Variants in CCDC178 observed in about 807,000 individuals in gnomAD.
CCDC178 encodes the protein coiled-coil domain containing 178.
In CCDC178, 126 loss-of-function variants were observed where a neutral mutation model predicts 117.4. The ratio of observed to expected loss-of-function variants is 1.07; its 90% CI spans 0.93 to 1.24. The LOEUF (loss-of-function observed/expected upper bound fraction) is 1.24. Among genes scored for constraint, CCDC178 ranks in the 50% most tolerant of loss-of-function variants. CCDC178 has a pLI of 0.00. For synonymous variants in CCDC178, 283 were observed against 313.4 expected, an observed-to-expected ratio of 0.90 and a Z score of 1.02; for missense variants, 1,030 against 986.9, an observed-to-expected ratio of 1.04 and a Z score of -0.59.
intron 20 of CCDC178, among the ~76,000 whole-genome samples, chr18:33,210,143 G>C (rs1042642663): frequency 6.6e-6 from 1 of 151,906 alleles, no homozygotes; most frequent in Non-Finnish European, 1.5e-5. Context: ...TATTTATTGC[G>C]TACTTCTGGC....
At chr18:33,258,670 G>C (rs574456545) in intron 14 of CCDC178, among the ~76,000 whole-genome samples, 2 of 152,224 alleles carry the variant, frequency 1.3e-5, no homozygotes, top group South Asian at 4.1e-4. Flanking sequence ...ACACAAAGCA[G>C]GTGCTCAGGA....
chr18:32,942,654 A>G (rs990347610), intron 22 of CCDC178, among the ~76,000 whole-genome samples: 20 of 152,156 alleles, frequency 1.3e-4, no homozygotes, highest in Admixed American at 6.5e-5. Context: ...TTGATCTTGC[A>G]GCTTATAAAA....
chr18:33,285,613 GAAC>G (rs1380243245), intron 12 of CCDC178, among the ~76,000 whole-genome samples: 1 of 151,976 alleles, frequency 6.6e-6, no homozygotes, highest in Non-Finnish European at 1.5e-5. Context: ...TAAATTAAAA[GAAC>G]AATAAACCAT....
intron 20 of CCDC178, among the ~76,000 whole-genome samples, chr18:33,149,005 G>A (rs1218179447): frequency 2.6e-5 from 4 of 152,196 alleles, no homozygotes; most frequent in African/African-American, 7.2e-5. Flanking sequence ...GAAATGATGT[G>A]TATAACTCCT....
intron 21 of CCDC178, among the ~76,000 whole-genome samples, chr18:33,010,471 C>A (rs2055841459): frequency 6.6e-6 from 1 of 152,066 alleles, no homozygotes; most frequent in Non-Finnish European, 1.5e-5. Flanking sequence ...TGTGCACAAA[C>A]AACAATGTTT....
chr18:33,196,780 A>T (rs1266173000), intron 20 of CCDC178, among the ~76,000 whole-genome samples: 2 of 152,184 alleles, frequency 1.3e-5, no homozygotes, highest in African/African-American at 4.8e-5. Flanking sequence ...CCTGTCTCCC[A>T]TCATAGAGGT....
At chr18:33,355,525 C>T (rs937559518) in intron 7 of CCDC178, among the ~76,000 whole-genome samples, 2 of 152,256 alleles carry the variant, frequency 1.3e-5, no homozygotes, top group African/African-American at 4.8e-5. Context: ...TCCTAAAGGT[C>T]AGCCAGAAGT....
At chr18:33,338,857 C>T (rs2062777423) in intron 9 of CCDC178, among the ~76,000 whole-genome samples, 2 of 151,862 alleles carry the variant, frequency 1.3e-5, no homozygotes, top group African/African-American at 4.8e-5. Context: ...TCATGTAACC[C>T]AACACCACCT....
At position 32,961,999 on chromosome 18, in the gene CCDC178, C is replaced by CTT. The variant is rs71177897; in HGVS notation, c.2523+12546_2523+12547dup. 1.2e-4 allele frequency among the ~76,000 whole-genome samples: 18 copies of CTT among 148,838 alleles called. No individual in the cohort carries two copies. In the South Asian group the frequency reaches 1.3e-3, roughly 10 times the overall value. ...TTTATTTCTGTTTTTTCTTTACTGT[C>CTT]TTTTTTTTTAGGGTTAATCAAACAC... On this transcript the variant is annotated intron_variant, in intron 22 of 22. Transcript: ENST00000383096.
chr18:33,347,916 C>T (rs1452437490), intron 8 of CCDC178, among the ~76,000 whole-genome samples: 1 of 151,886 alleles, frequency 6.6e-6, no homozygotes, highest in African/African-American at 2.4e-5. Flanking sequence ...TTCTAAGCAA[C>T]TACCTGCAAT....
rs113587719 is a variant in CCDC178, at chr18:33,384,753, G to A, written c.208+4787C>T. On this transcript the variant is annotated intron_variant, in intron 5 of 22. Coordinates refer to ENST00000383096, the MANE Select transcript of CCDC178 (RefSeq NM_001105528.4). ...AGGAAAAACCATTATCATCCACTAC[G>A]AAAACACACTGAAGTACACAGACCA... Among the ~76,000 whole-genome samples the A allele has an allele frequency of 3.3e-3, 496 of 152,166 alleles. 3 individuals are homozygous for A. Among genetic ancestry groups the A allele is most frequent in the African/African-American group, 0.011 (453 of 41,532 alleles).
chr18:33,086,969 G>GAC (rs71949744), intron 21 of CCDC178, among the ~76,000 whole-genome samples: 8,274 of 123,972 alleles, frequency 0.067, 398 homozygotes, highest in African/African-American at 0.15. Flanking sequence ...GCTATTGGTT[G>GAC]ACACACACAC....
At chr18:33,398,999 A>T (rs917466479) in intron 3 of CCDC178, among the ~76,000 whole-genome samples, 3 of 152,170 alleles carry the variant, frequency 2.0e-5, no homozygotes, top group Non-Finnish European at 4.4e-5. Context: ...CAGGAGTTTG[A>T]GACCAGCCTG....
At chr18:33,175,548 A>G (rs1568034889) in intron 20 of CCDC178, among the ~76,000 whole-genome samples, 2 of 152,080 alleles carry the variant, frequency 1.3e-5, no homozygotes, top group South Asian at 4.1e-4. Flanking sequence ...TGAAGCACCA[A>G]AATAATGCCT....
intron 21 of CCDC178, among the ~76,000 whole-genome samples, chr18:33,006,839 C>T (rs2055760745): frequency 1.3e-5 from 2 of 152,128 alleles, no homozygotes; most frequent in Admixed American, 1.3e-4. Context: ...TGAGAGTTGT[C>T]CCTTACTGAC....
chr18:33,175,041 TA>T (rs1239703972), intron 20 of CCDC178, among the ~76,000 whole-genome samples: 4,243 of 116,632 alleles, frequency 0.036, 193 homozygotes, highest in African/African-American at 0.15. Context: ...TTTATTTTTT[TA>T]TTTTTTTTGG....
At chr18:33,373,091 T>A (rs1272197226) in intron 5 of CCDC178, among the ~76,000 whole-genome samples, 1 of 152,202 alleles carries the variant, frequency 6.6e-6, no homozygotes, top group Non-Finnish European at 1.5e-5. Context: ...ACATAAAGCA[T>A]CTTTAATCTT....
intron 20 of CCDC178, among the ~76,000 whole-genome samples, chr18:33,127,333 TGGAATCTCTTA>T: frequency 6.6e-6 from 1 of 152,308 alleles, no homozygotes; most frequent in African/African-American, 2.4e-5. Flanking sequence ...ATGAAAAGAA[TGGAATCTCTTA>T]GAGTTCAGAC....
At chr18:33,093,050 A>G (rs1281141160) in intron 20 of CCDC178, 140 bp from the exon 21 acceptor site, 1 of 469,432 alleles carries the variant, frequency 2.1e-6, no homozygotes, top group Non-Finnish European at 3.6e-6. Context: ...ATAACAAAAT[A>G]ACCAAAAAAT....
Sources: gnomAD v4.1 joint callset for allele counts (sites outside exome capture counted in the v4.1 genomes callset) on GRCh38, gnomAD v4.1.1 for gene constraint, MANE v1.5 for transcripts, NCBI Gene and HGNC (gene_info 2026-07-23, HGNC 2026-07-21) for gene names.